Variants in UNC80 observed in about 807,000 individuals in gnomAD.
UNC80 encodes the protein protein unc-80 homolog.
UNC80 carries 164 observed loss-of-function variants against 384.6 expected under a neutral mutation model. The ratio of observed to expected loss-of-function variants is 0.43; its 90% CI spans 0.38 to 0.49. The LOEUF (loss-of-function observed/expected upper bound fraction) is 0.49. Among genes scored for constraint, UNC80 ranks in the 20% least tolerant of loss-of-function variants. The pLI is 0.00. For synonymous variants in UNC80, 1,486 were observed against 1,527.8 expected, an observed-to-expected ratio of 0.97 and a Z score of 0.64; for missense variants, 3,330 against 4,143.0, an observed-to-expected ratio of 0.80 and a Z score of 5.39.
intron 48 of UNC80, among the ~76,000 whole-genome samples, chr2:209,956,819 A>G (rs1481576690): frequency 6.6e-6 from 1 of 152,120 alleles, no homozygotes; most frequent in Non-Finnish European, 1.5e-5. Context: ...AGTAACACCA[A>G]CGGGCAAAGA....
chr2:209,970,849 A>C lies in UNC80; in HGVS notation c.8148A>C (p.Gly2716=). 1.3e-6 allele frequency: 2 copies of C among 1,551,598 alleles called. No homozygotes were observed. Among genetic ancestry groups the C allele is most frequent in the Non-Finnish European group, 1.7e-6 (2 of 1,146,930 alleles). The stretch of plus-strand genomic sequence containing the variant: ...TATTTCAGGTGATGGGAGTGGTAGG[A>C]CCTTCCAGTGTTGCTGATGGATTAC... ...VCVNLVMGVV[G]PSSVADGLPL... The change falls in exon 54 of 65, where the codon GGA becomes GGC. Residue 2716 remains glycine (G), a synonymous_variant. Coordinates refer to ENST00000673920, the MANE Select transcript of UNC80 (RefSeq NM_001371986.1).
At position 209,976,036 on chromosome 2, in the gene UNC80, G is replaced by T. The variant is rs938279362; in HGVS notation, c.8588-83G>T. On this transcript the variant is annotated intron_variant, in intron 56 of 64. Coordinates refer to ENST00000673920, the MANE Select transcript of UNC80 (RefSeq NM_001371986.1). The surrounding 1 kb of genome is among the most constrained non-coding windows in gnomAD (Gnocchi z 4.3). The stretch of plus-strand genomic sequence containing the variant: ...TTAGAAATTTAGAAAATTTCTAAAG[G>T]TGCATAAAGGGCTCTGGATGTAGGT... 199 of 1,390,586 alleles carry T rather than the reference G, an allele frequency of 1.4e-4. No individual in the cohort carries two copies. Among genetic ancestry groups the T allele is most frequent in the Non-Finnish European group, 1.9e-4 (194 of 1,046,994 alleles). 86.1% of individuals were successfully genotyped at this position (1,390,586 alleles called of 1,614,324 possible). A position where few individuals can be genotyped will look rare whatever the true frequency, so the allele number is the denominator to read the frequency against.
intron 14 of UNC80, among the ~76,000 whole-genome samples, chr2:209,827,142 G>T (rs1434973123): frequency 1.3e-5 from 2 of 151,978 alleles, no homozygotes; most frequent in African/African-American, 4.8e-5. Flanking sequence ...AGATTTTGAG[G>T]CCAAAATTTG....
intron 31 of UNC80, among the ~76,000 whole-genome samples, chr2:209,917,409 G>T (rs2089639349): frequency 6.6e-6 from 1 of 152,176 alleles, no homozygotes. Flanking sequence ...GTTTTTAAAG[G>T]ATAACTTTAT....
chr2:209,803,882 C>A (rs1210489910), intron 7 of UNC80, among the ~76,000 whole-genome samples: 1 of 152,044 alleles, frequency 6.6e-6, no homozygotes, highest in Non-Finnish European at 1.5e-5. Context: ...ACAATGTGCA[C>A]CATCAAGTCC....
Position 209,820,503 on chromosome 2 carries a change from A to C in UNC80, c.2155A>C (p.Lys719Gln). 1 of 1,551,444 alleles carries C rather than the reference A, an allele frequency of 6.4e-7. No homozygotes were observed. The highest frequency in any genetic ancestry group is 1.2e-5 in the South Asian group (1 of 84,048). The change falls in exon 13 of 65, where the codon AAA becomes CAA. Residue 719 changes from lysine (K) to glutamine (Q), a missense_variant. This residue lies in a region of UNC80 where 937 missense variants were observed against 1,026.8 expected (regional missense o/e 0.91). Coordinates refer to ENST00000673920, the MANE Select transcript of UNC80 (RefSeq NM_001371986.1). ...GCCAAGTGAGGGAGCTTTCCAATTC[A>C]AAGGAGTATCTGGAAGTTCCACCTG... ...KRPSEGAFQF[K>Q]GVSGSSTCGF... is the part of the protein sequence containing the mutation.
chr2:209,877,828 A>T, intron 23 of UNC80, 126 bp from the exon 24 acceptor site: 1 of 1,098,780 alleles, frequency 9.1e-7, no homozygotes, highest in Non-Finnish European at 1.2e-6. Flanking sequence ...ACACTGTGGC[A>T]TACAGAAGAG....
In UNC80 at chr2:209,799,556, C is replaced by A. The variant is rs540600346; in HGVS notation, c.938+5697C>A. 7.9e-5 allele frequency among the ~76,000 whole-genome samples: 12 copies of A among 152,144 alleles called. No homozygotes were observed. The South Asian group carries it at 1.9e-3, about 24-fold the overall frequency. On this transcript the variant is annotated intron_variant, in intron 7 of 64. Coordinates refer to ENST00000673920, the MANE Select transcript of UNC80 (RefSeq NM_001371986.1). ...AGTTCCTCTCTTCCTATTTTAATACCCTTTATTCCTTTCTCTTGCCTTATT... is the reference window on the plus strand; with the variant it reads ...AGTTCCTCTCTTCCTATTTTAATACACTTTATTCCTTTCTCTTGCCTTATT...
At chr2:209,845,048 A>T (rs991974896) in intron 21 of UNC80, 1 of 151,720 alleles carries the variant, frequency 6.6e-6, no homozygotes, top group African/African-American at 2.4e-5. Flanking sequence ...AGATAAGGTC[A>T]TAAGGGGAGC....
intron 51 of UNC80, 135 bp downstream of exon 51, chr2:209,959,842 G>T (rs2092535639): frequency 2.5e-6 from 2 of 795,270 alleles, no homozygotes; most frequent in East Asian, 5.4e-5. Flanking sequence ...GGTGACTTAG[G>T]TACACATCAT....
At chr2:209,971,961 AT>A (rs1341849188) in intron 54 of UNC80, among the ~76,000 whole-genome samples, 3 of 152,164 alleles carry the variant, frequency 2.0e-5, no homozygotes, top group Non-Finnish European at 1.5e-5. Flanking sequence ...AAGTATTCTA[AT>A]TTTTCATTTA....
chr2:209,819,916 A>G (rs144958563), intron 12 of UNC80, among the ~76,000 whole-genome samples: 1,821 of 152,342 alleles, frequency 0.012, 40 homozygotes, highest in African/African-American at 0.04. Context: ...TTCTTTATCC[A>G]TTATTAGTAA....
At chr2:209,821,933 A>G (rs78913440) in intron 13 of UNC80, among the ~76,000 whole-genome samples, 3,393 of 152,264 alleles carry the variant, frequency 0.022, 127 homozygotes, top group African/African-American at 0.077. Context: ...TATTGTATAA[A>G]CTATAAATTG....
At position 209,777,638 on chromosome 2, in the gene UNC80, G is replaced by A; in HGVS notation, c.600+79G>A. On this transcript the variant is annotated intron_variant, in intron 4 of 64. Transcript: ENST00000673920. ...GACTTCAAATGATATTTCCATATTT[G>A]GTTGGGCATGTCTTTGTATGACCTT... 10 of 1,463,034 alleles carry A rather than the reference G, an allele frequency of 6.8e-6. No individual in the cohort carries two copies. In the South Asian group the frequency reaches 1.4e-4, roughly 20 times the overall value. The allele number at this position is 1,463,034 out of a possible 1,614,324, so 90.6% of individuals were successfully genotyped here. A position where few individuals can be genotyped will look rare whatever the true frequency, so the allele number is the denominator to read the frequency against.
chr2:209,951,720 GT>G (rs1193911790), intron 47 of UNC80: 2 of 152,058 alleles, frequency 1.3e-5, no homozygotes, highest in African/African-American at 4.8e-5. Flanking sequence ...GATTCATAGT[GT>G]TTCCTGAATA....
intron 7 of UNC80, among the ~76,000 whole-genome samples, chr2:209,807,248 T>A (rs1203510995): frequency 6.6e-6 from 1 of 152,206 alleles, no homozygotes; most frequent in Non-Finnish European, 1.5e-5. Context: ...TGTATTCATA[T>A]TATTTTATAA....
chr2:209,969,373 C>A (rs1210430037), intron 52 of UNC80: 1 of 168,624 alleles, frequency 5.9e-6, no homozygotes, highest in Non-Finnish European at 1.3e-5. Context: ...GGTGTAAAAA[C>A]TGATGGGCGT....
chr2:209,783,044 A>G (rs2153825015), intron 4 of UNC80, among the ~76,000 whole-genome samples: 1 of 152,306 alleles, frequency 6.6e-6, no homozygotes, highest in Non-Finnish European at 1.5e-5. Context: ...TGTGTAAAGT[A>G]AACAACTTTA....
In UNC80 at chr2:209,941,474, C is replaced by T; in HGVS notation, c.6900C>T (p.Leu2300=). The change falls in exon 44 of 65, where the codon CTC becomes CTT. Residue 2300 remains leucine (L), a synonymous_variant. Transcript: ENST00000673920. ...CTCTCAGCGGCTACCAGTGGATTCT[C>T]CCCACCATGCTGCAGGTGCCCAGAA... ...LFSLSGYQWI[L]PTMLQVYSDY... 1.3e-6 allele frequency: 2 copies of T among 1,535,312 alleles called. No homozygotes were observed. The highest frequency in any genetic ancestry group is 1.8e-6 in the Non-Finnish European group (2 of 1,133,696).
Sources: allele counts gnomAD v4.1 joint callset (sites outside exome capture counted in the v4.1 genomes callset), GRCh38; gene constraint gnomAD v4.1.1; regional missense constraint gnomAD v4.1.1; non-coding constraint Gnocchi (gnomAD v3.1); transcripts MANE v1.5; gene names NCBI Gene and HGNC (gene_info 2026-07-23, HGNC 2026-07-21).